CCP110: variants seen among roughly 807,000 people sequenced by gnomAD.
The protein encoded by CCP110 is centriolar coiled-coil protein of 110 kDa.
Under a neutral mutation model 105.5 loss-of-function variants are expected in CCP110, and 43 were observed. The ratio of observed to expected loss-of-function variants is 0.41; its 90% CI spans 0.32 to 0.53. The LOEUF is 0.53. CCP110 is among the 20% of genes least tolerant of loss of function. CCP110 has a pLI of 0.32. For missense variants in CCP110, 1,016 were observed against 1,189.1 expected (o/e 0.85, Z 2.14); for synonymous variants, 353 against 392.1 (o/e 0.90, Z 1.18).
rs200018884 is a variant in CCP110 at position 19,546,379 on chromosome 16, A to G, written c.2778-33A>G. 35 of 1,245,740 alleles carry G rather than the reference A, an allele frequency of 2.8e-5. No homozygotes were observed. In the Admixed American group the frequency reaches 4.6e-4, roughly 16 times the overall value. The allele number at this position is 1,245,740 out of a possible 1,614,324, so 77.2% of individuals were successfully genotyped here. On this transcript the variant is annotated intron_variant, in intron 11 of 14. Transcript: ENST00000381396. ...AAGCATGTTTTCTTCCCTTCTCTAA[A>G]TACATTATGTCCTTATTTTTATATT...
At chr16:19,547,750 C>A in intron 12 of CCP110, 1 of 494,630 alleles carries the variant, frequency 2.0e-6, no homozygotes, top group Non-Finnish European at 3.6e-6. Context: ...TGATAAAAAC[C>A]TAAGGTTTGG....
At chr16:19,534,651 C>G (rs112354009) in intron 3 of CCP110, among the ~76,000 whole-genome samples, 11 of 142,820 alleles carry the variant, frequency 7.7e-5, no homozygotes, top group Non-Finnish European at 1.7e-4. Context: ...GTCTTGTACT[C>G]TTGTACTGTT....
intron 4 of CCP110, among the ~76,000 whole-genome samples, chr16:19,538,600 G>A (rs1358271955): frequency 1.3e-5 from 2 of 151,744 alleles, no homozygotes; most frequent in South Asian, 2.1e-4. Context: ...ATGAGCCACC[G>A]CACCCAGCCC....
intron 12 of CCP110, chr16:19,547,374 C>G (rs913954194): frequency 1.3e-5 from 2 of 152,888 alleles, no homozygotes; most frequent in Non-Finnish European, 2.9e-5. Flanking sequence ...GACTGCACCA[C>G]TGTACTCCAT....
At chr16:19,524,649 A>G (rs1328252042) in intron 1 of CCP110, 2 of 152,130 alleles carry the variant, frequency 1.3e-5, no homozygotes, top group Non-Finnish European at 2.9e-5. Flanking sequence ...CTTTGATTCT[A>G]TTCTGGTTAC....
At chr16:19,536,623 T>G in exon 4 of CCP110, 8 of 1,614,192 alleles carry the variant, frequency 5.0e-6, no homozygotes, top group Non-Finnish European at 5.9e-6. Flanking sequence ...CAGTTTTAGC[T>G]AGCTTTTCGA....
intron 4 of CCP110, among the ~76,000 whole-genome samples, chr16:19,538,308 T>C (rs1344195132): frequency 1.2e-5 from 1 of 85,952 alleles, no homozygotes; most frequent in Non-Finnish European, 2.3e-5. Context: ...AGTTCTTTTT[T>C]TTTTTTTTTT....
chr16:19,525,599 C>T (rs1448271765), intron 1 of CCP110: 1 of 152,226 alleles, frequency 6.6e-6, no homozygotes, highest in East Asian at 1.9e-4. Context: ...TTTCCATTCT[C>T]TAAATTCCAC....
intron 5 of CCP110, 100 bp downstream of exon 5, chr16:19,540,887 T>C: frequency 1.0e-6 from 1 of 977,712 alleles, no homozygotes; most frequent in East Asian, 2.7e-5. Flanking sequence ...TTTGCCTCCA[T>C]ATATCTTAAG....
rs1037433090 is a variant in CCP110 at position 19,548,473 on chromosome 16, C to G, written c.2901-42C>G. The G allele has an allele frequency of 1.6e-6, 2 of 1,245,084 alleles. No homozygotes were observed. The highest frequency in any genetic ancestry group is 2.3e-5 in the Admixed American group (1 of 43,256). The allele number at this position is 1,245,084 out of a possible 1,614,324, so 77.1% of individuals were successfully genotyped here. A position where few individuals can be genotyped will look rare whatever the true frequency, so the allele number is the denominator to read the frequency against. On this transcript the variant is annotated intron_variant, in intron 13 of 14. Coordinates refer to ENST00000381396, the Ensembl canonical transcript of CCP110. This position sits in a 1 kb window ranked among gnomAD's most constrained non-coding sequence, Gnocchi z 4.1. ...TTTCTTTGAATTTTGAACATTTAGA[C>G]CTTAATGCCAGTGACTTATTAATTT...
At chr16:19,545,235 T>C in intron 10 of CCP110, 25 bp downstream of exon 10, 1 of 1,358,990 alleles carries the variant, frequency 7.4e-7, no homozygotes. Flanking sequence ...TTCTAATGAA[T>C]AGAGTTCTTC....
Position 19,544,908 on chromosome 16 carries a change from T to TGG in CCP110, c.2586+11_2586+12dup. 1.4e-6 allele frequency: 2 copies of TGG among 1,413,082 alleles called. No homozygotes were observed. Among genetic ancestry groups the TGG allele is most frequent in the East Asian group, 4.6e-5 (2 of 43,890 alleles). The allele number at this position is 1,413,082 out of a possible 1,614,324, so 87.5% of individuals were successfully genotyped here. A position where few individuals can be genotyped will look rare whatever the true frequency, so the allele number is the denominator to read the frequency against. ...AAGAGTGTTAGCTCAGGTAAATACA[T>TGG]GGATCCTGAAGGCTTTTAAGACATG... On this transcript the variant is annotated intron_variant, in intron 9 of 14. Transcript: ENST00000381396.
At chr16:19,550,108 T>G (rs1467889883) in intron 14 of CCP110, among the ~76,000 whole-genome samples, 21 of 152,298 alleles carry the variant, frequency 1.4e-4, no homozygotes, top group Non-Finnish European at 2.9e-4. Context: ...GATTTACTTA[T>G]ACATGAGTGC....
At chr16:19,545,139 G>C in exon 10 of CCP110, 2 of 1,612,398 alleles carry the variant, frequency 1.2e-6, no homozygotes, top group Non-Finnish European at 1.7e-6. Context: ...CTTTGTAATG[G>C]ATGCAGCTGA....
At chr16:19,540,726 A>G (rs1416176734) in exon 5 of CCP110, 1 of 1,613,188 alleles carries the variant, frequency 6.2e-7, no homozygotes, top group South Asian at 1.1e-5. Flanking sequence ...GAAGAACAGC[A>G]CGCCCAGCAA....
chr16:19,544,178 T>C (rs2005688), intron 8 of CCP110, among the ~76,000 whole-genome samples: 55,684 of 151,954 alleles, frequency 0.37, 11,730 homozygotes, highest in East Asian at 0.56. Flanking sequence ...ATTTCTCATC[T>C]GGCTGACACT....
At chr16:19,546,994 T>C (rs1970483855) in intron 12 of CCP110, 1 of 153,436 alleles carries the variant, frequency 6.5e-6, no homozygotes, top group African/African-American at 2.4e-5. Flanking sequence ...TCAGACCAGA[T>C]GTGCCCGGAC....
chr16:19,548,205 T>A lies in CCP110; in HGVS notation c.2900+191T>A, dbSNP rs1156412744. 2 of 619,512 alleles carry A rather than the reference T, an allele frequency of 3.2e-6. No homozygotes were observed. The highest frequency in any genetic ancestry group is 3.7e-5 in the African/African-American group (2 of 54,300). 38.4% of individuals were successfully genotyped at this position (619,512 alleles called of 1,614,324 possible). On this transcript the variant is annotated intron_variant, in intron 13 of 14. Transcript: ENST00000381396. The surrounding 1 kb of genome is among the most constrained non-coding windows in gnomAD (Gnocchi z 4.1). Reference sequence around the variant, plus strand: ...ACCCTCTTGGTGTACTGTTGTGTATTCTAATTACTGTCTTAAGTTGGGATG... The same window carrying A: ...ACCCTCTTGGTGTACTGTTGTGTATACTAATTACTGTCTTAAGTTGGGATG...
intron 1 of CCP110, among the ~76,000 whole-genome samples, chr16:19,527,637 A>G (rs1379953471): frequency 6.6e-6 from 1 of 152,206 alleles, no homozygotes; most frequent in Non-Finnish European, 1.5e-5. Context: ...ATTGATTTAC[A>G]TGCAATAATA....
Sources: allele counts gnomAD v4.1 joint callset (sites outside exome capture counted in the v4.1 genomes callset), GRCh38; gene constraint gnomAD v4.1.1; non-coding constraint Gnocchi (gnomAD v3.1); transcripts MANE v1.5; gene names NCBI Gene and HGNC (gene_info 2026-07-23, HGNC 2026-07-21).